The following CENPP variants were observed in gnomAD, a reference collection of about 807,000 sequenced individuals.
CENPP encodes centromere protein P.
In CENPP, 24 loss-of-function variants were observed where a neutral mutation model predicts 35.6. The observed-to-expected ratio is 0.67, with a 90% CI of 0.49 to 0.95. The LOEUF (loss-of-function observed/expected upper bound fraction) is 0.95, where lower values mean the gene tolerates loss of function less well. Ranked by LOEUF, CENPP falls within the 40% of genes least tolerant of loss-of-function variation. CENPP has a pLI of 0.00. For synonymous variants in CENPP, 120 were observed against 125.5 expected (o/e 0.96, Z 0.29); for missense variants, 332 against 345.3 (o/e 0.96, Z 0.31).
intron 5 of CENPP, among the ~76,000 whole-genome samples, chr9:92,601,578 G>A (rs554574197): frequency 2.6e-5 from 4 of 152,340 alleles, no homozygotes; most frequent in Non-Finnish European, 5.9e-5. Flanking sequence ...TGACCAAAAG[G>A]ACAGAGGTGC....
chr9:92,353,001 A>G (rs1024126684), intron 4 of CENPP, among the ~76,000 whole-genome samples: 8 of 152,142 alleles, frequency 5.3e-5, no homozygotes, highest in African/African-American at 1.2e-4. Context: ...AAAGACAATA[A>G]TAGTCATAAT....
intron 4 of CENPP, among the ~76,000 whole-genome samples, chr9:92,355,501 G>T (rs924606018): frequency 4.6e-5 from 7 of 152,008 alleles, no homozygotes; most frequent in African/African-American, 1.7e-4. Context: ...GACATGGAAG[G>T]TTTCTTTTTG....
chr9:92,494,900 C>T (rs1437953136), intron 5 of CENPP, among the ~76,000 whole-genome samples: 4 of 151,868 alleles, frequency 2.6e-5, no homozygotes, highest in Admixed American at 6.6e-5. Flanking sequence ...AGTGACACTC[C>T]GTCTAAAAAA....
At chr9:92,411,546 C>T (rs1843444741) in intron 5 of CENPP, among the ~76,000 whole-genome samples, 1 of 152,148 alleles carries the variant, frequency 6.6e-6, no homozygotes, top group Admixed American at 6.5e-5. Flanking sequence ...CAGCCCACCT[C>T]AGCCTCCCAA....
chr9:92,561,199 T>C (rs1474995245), intron 5 of CENPP, among the ~76,000 whole-genome samples: 1 of 152,196 alleles, frequency 6.6e-6, no homozygotes, highest in Non-Finnish European at 1.5e-5. Flanking sequence ...ATTGCCAGCT[T>C]CCATTTGGTC....
chr9:92,520,745 T>A lies in CENPP; in HGVS notation c.565-90569T>A, dbSNP rs564173168. Reference sequence around the variant, plus strand: ...GGTAGACAATATGGATAAACAAATATGGTATAGCCATACAATGGAATATTA... The same window carrying A: ...GGTAGACAATATGGATAAACAAATAAGGTATAGCCATACAATGGAATATTA... On this transcript the variant is annotated intron_variant, in intron 5 of 7. Coordinates refer to ENST00000375587, the MANE Select transcript of CENPP (RefSeq NM_001012267.3). 2.0e-5 allele frequency among the ~76,000 whole-genome samples: 3 copies of A among 152,322 alleles called. No homozygotes were observed. The East Asian group carries it at 5.8e-4, about 29-fold the overall frequency.
At chr9:92,450,205 A>G (rs1228754554) in intron 5 of CENPP, among the ~76,000 whole-genome samples, 1 of 150,430 alleles carries the variant, frequency 6.6e-6, no homozygotes. Flanking sequence ...TTAACTCGTC[A>G]TTTAGCATTA....
chr9:92,505,249 A>C (rs1846929883), intron 5 of CENPP, among the ~76,000 whole-genome samples: 1 of 152,138 alleles, frequency 6.6e-6, no homozygotes, highest in African/African-American at 2.4e-5. Context: ...ACCTCATGGA[A>C]GTTGTGGTTT....
intron 5 of CENPP, among the ~76,000 whole-genome samples, chr9:92,499,357 G>A (rs572299226): frequency 1.0e-3 from 154 of 152,202 alleles, no homozygotes; most frequent in Middle Eastern, 3.4e-3. Flanking sequence ...CCTAGTTGAT[G>A]AGCAAAAAAT....
intron 5 of CENPP, among the ~76,000 whole-genome samples, chr9:92,594,730 G>C (rs893986151): frequency 1.4e-4 from 21 of 151,854 alleles, no homozygotes; most frequent in African/African-American, 4.8e-4. Flanking sequence ...TGGGGTGGAG[G>C]GATCACTTGA....
chr9:92,428,586 CA>C (rs1844026292), intron 5 of CENPP, among the ~76,000 whole-genome samples: 1 of 152,268 alleles, frequency 6.6e-6, no homozygotes, highest in Middle Eastern at 3.4e-3. Context: ...TGACTGCCAT[CA>C]TCTCAAACCC....
chr9:92,356,903 T>C (rs1152762), intron 4 of CENPP, among the ~76,000 whole-genome samples: 135,705 of 152,242 alleles, frequency 0.89, 60,637 homozygotes, highest in Middle Eastern at 0.95. Context: ...CCTGACTTCC[T>C]ACAACAGTCC....
chr9:92,451,560 G>A (rs1844709572), intron 5 of CENPP, among the ~76,000 whole-genome samples: 1 of 152,164 alleles, frequency 6.6e-6, no homozygotes, highest in Admixed American at 6.6e-5. Context: ...TTTTGGCTTG[G>A]GATTGACTTG....
intron 5 of CENPP, among the ~76,000 whole-genome samples, chr9:92,447,605 T>C (rs1844586325): frequency 6.6e-6 from 1 of 152,232 alleles, no homozygotes; most frequent in South Asian, 2.1e-4. Context: ...CCTAGGGTTA[T>C]AGACCCCTGG....
At chr9:92,448,032 A>G (rs1844596551) in intron 5 of CENPP, among the ~76,000 whole-genome samples, 1 of 152,188 alleles carries the variant, frequency 6.6e-6, no homozygotes, top group African/African-American at 2.4e-5. Context: ...TTTAGGGAAT[A>G]AAGAGAAGAG....
intron 5 of CENPP, among the ~76,000 whole-genome samples, chr9:92,432,300 G>T (rs1016686437): frequency 6.6e-6 from 1 of 151,962 alleles, no homozygotes; most frequent in African/African-American, 2.4e-5. Flanking sequence ...ACTCCAGCCT[G>T]GGCGACAAGA....
At chr9:92,419,549 T>G (rs573402663) in intron 5 of CENPP, among the ~76,000 whole-genome samples, 1 of 152,260 alleles carries the variant, frequency 6.6e-6, no homozygotes, top group East Asian at 1.9e-4. Flanking sequence ...TCCACCCACC[T>G]TGGGCTCCCA....
intron 5 of CENPP, among the ~76,000 whole-genome samples, chr9:92,393,433 G>T (rs954358719): frequency 6.6e-6 from 1 of 152,136 alleles, no homozygotes; most frequent in East Asian, 1.9e-4. Flanking sequence ...TATTGTTTGA[G>T]AATCTCTTTT....
chr9:92,413,141 T>G (rs1843493399), intron 5 of CENPP, among the ~76,000 whole-genome samples: 1 of 151,902 alleles, frequency 6.6e-6, no homozygotes, highest in Non-Finnish European at 1.5e-5. Context: ...TGTGCCACCA[T>G]GCCTGGCTAA....
Sources: gnomAD v4.1 joint callset for allele counts (sites outside exome capture counted in the v4.1 genomes callset) on GRCh38, gnomAD v4.1.1 for gene constraint, MANE v1.5 for transcripts, NCBI Gene and HGNC (gene_info 2026-07-23, HGNC 2026-07-21) for gene names.